The following SPEF2 variants were observed in gnomAD, a reference collection of about 807,000 sequenced individuals.
The protein encoded by SPEF2 is sperm flagella and cilia-associated protein 2.
In SPEF2, 187 loss-of-function variants were observed where a neutral mutation model predicts 224.6. That is an observed-to-expected ratio of 0.83 (90% CI 0.74 to 0.94). SPEF2 has a LOEUF of 0.94. SPEF2 is among the 40% of genes least tolerant of loss of function. SPEF2 has a pLI of 0.00. For missense variants in SPEF2, 2,170 were observed against 2,135.6 expected (o/e 1.02, Z -0.32); for synonymous variants, 715 against 707.3 (o/e 1.01, Z -0.17).
rs763243157 is a variant in SPEF2 at position 35,691,259 on chromosome 5, A to G, written c.1744+3A>G. The G allele has an allele frequency of 2.6e-5, 42 of 1,611,790 alleles. No individual in the cohort carries two copies. Among genetic ancestry groups the G allele is most frequent in the Non-Finnish European group, 2.6e-5 (31 of 1,178,304 alleles). The stretch of plus-strand genomic sequence containing the variant: ...CATTTTAAGGTCTCTACAAAAAGGT[A>G]GAATTTCTTCTCCTACTCTCCCTGC... On this transcript the variant is annotated splice_donor_region_variant and intron_variant, in intron 11 of 36. Coordinates refer to ENST00000356031, the MANE Select transcript of SPEF2 (RefSeq NM_024867.4).
At chr5:35,682,147 T>C (rs1384424725) in intron 10 of SPEF2, among the ~76,000 whole-genome samples, 1 of 152,082 alleles carries the variant, frequency 6.6e-6, no homozygotes, top group Non-Finnish European at 1.5e-5. Flanking sequence ...AAGCTAGCCA[T>C]AGATCAAGGC....
chr5:35,732,547 A>T (rs1266979486), intron 21 of SPEF2, among the ~76,000 whole-genome samples: 3 of 152,206 alleles, frequency 2.0e-5, no homozygotes, highest in African/African-American at 7.2e-5. Flanking sequence ...GTACGGTTAG[A>T]CATACGATCT....
chr5:35,730,769 C>T (rs1365343173), intron 21 of SPEF2, among the ~76,000 whole-genome samples: 1 of 152,092 alleles, frequency 6.6e-6, no homozygotes, highest in African/African-American at 2.4e-5. Context: ...AACATGTGCC[C>T]TAGTTATCAG....
chr5:35,733,622 C>G (rs1233625192), intron 21 of SPEF2, among the ~76,000 whole-genome samples: 1 of 152,106 alleles, frequency 6.6e-6, no homozygotes, highest in Non-Finnish European at 1.5e-5. Context: ...GGAGGCAGTT[C>G]ACAGGAAGGC....
chr5:35,634,659 G>T (rs540042401), intron 2 of SPEF2, among the ~76,000 whole-genome samples: 3 of 152,124 alleles, frequency 2.0e-5, no homozygotes, highest in African/African-American at 7.2e-5. Flanking sequence ...GTGATGTCCT[G>T]TAGGTCTCTG....
chr5:35,654,854 CTCA>C, intron 7 of SPEF2, 128 bp downstream of exon 7: 1 of 737,398 alleles, frequency 1.4e-6, no homozygotes, highest in Non-Finnish European at 2.0e-6. Context: ...CTTTCACATC[CTCA>C]TCATAATAGC....
chr5:35,808,602 G>A (rs1758339330), intron 36 of SPEF2, among the ~76,000 whole-genome samples: 1 of 151,884 alleles, frequency 6.6e-6, no homozygotes, highest in African/African-American at 2.4e-5. Context: ...TGGCTGCATA[G>A]TATTCCGTGG....
At position 35,727,666 on chromosome 5, in the gene SPEF2, A is replaced by C. The variant is rs1350108236; in HGVS notation, c.2915-9A>C. The C allele has an allele frequency of 6.2e-7, 1 of 1,610,238 alleles. No homozygotes were observed. Among genetic ancestry groups the C allele is most frequent in the South Asian group, 1.1e-5 (1 of 90,564 alleles). On this transcript the variant is annotated splice_polypyrimidine_tract_variant and intron_variant, in intron 20 of 36. Transcript: ENST00000356031. ...CTTGTATTGGAATAATTTGATATGC[A>C]TGTTTAAGGTTCTCCTAAAGGAAAA... is the stretch of plus-strand genomic sequence containing the variant.
At chr5:35,792,308 C>A (rs2149833023) in intron 30 of SPEF2, 32 bp from the exon 31 acceptor site, 1 of 1,558,772 alleles carries the variant, frequency 6.4e-7, no homozygotes, top group Non-Finnish European at 8.7e-7. Context: ...TCACCTAAAC[C>A]AAGTGACAAA....
chr5:35,647,388 T>G (rs780135669), intron 5 of SPEF2, among the ~76,000 whole-genome samples: 3 of 151,730 alleles, frequency 2.0e-5, no homozygotes, highest in Non-Finnish European at 4.4e-5. Context: ...CCAGCTCTCA[T>G]GGGAATTGAT....
chr5:35,670,025 A>G (rs750743647), intron 9 of SPEF2, 34 bp from the exon 10 acceptor site: 2 of 1,520,088 alleles, frequency 1.3e-6, no homozygotes, highest in South Asian at 2.5e-5. Context: ...TTGACTAACC[A>G]TTGATTCATC....
At chr5:35,692,504 C>T (rs1291458943) in intron 11 of SPEF2, 66 bp from the exon 12 acceptor site, 3 of 1,309,768 alleles carry the variant, frequency 2.3e-6, no homozygotes, top group South Asian at 2.8e-5. Flanking sequence ...AAAACCAGCA[C>T]ATAAAGACAA....
chr5:35,806,656 G>A (rs765924751), intron 34 of SPEF2, 51 bp from the exon 35 acceptor site: 10 of 1,571,616 alleles, frequency 6.4e-6, no homozygotes, highest in African/African-American at 1.4e-5. Flanking sequence ...AGTCTCCATT[G>A]GTGGAAAAAA....
intron 20 of SPEF2, among the ~76,000 whole-genome samples, chr5:35,723,901 C>T (rs1744194739): frequency 6.6e-6 from 1 of 152,182 alleles, no homozygotes; most frequent in Admixed American, 6.5e-5. Context: ...GTTGATGCCA[C>T]ACATACAAAA....
intron 12 of SPEF2, 143 bp from the exon 13 acceptor site, chr5:35,694,145 T>C (rs1754935197): frequency 1.6e-6 from 1 of 636,238 alleles, no homozygotes; most frequent in East Asian, 2.8e-5. Flanking sequence ...AACTGAAACT[T>C]TAATCTCCTT....
Position 35,709,097 on chromosome 5 carries a change from A to G in SPEF2, c.2815A>G (p.Thr939Ala), listed in dbSNP as rs536173730. The G allele has an allele frequency of 1.2e-6, 2 of 1,612,582 alleles. No homozygotes were observed. ...AAGCCATGTGGCTTCAAAAACTCCT[A>G]CTGCAAAAGGAAAACCTCAATCAGG... is the stretch of plus-strand genomic sequence containing the variant. ...HQSHVASKTP[T>A]AKGKPQSEAP... Residue 939 changes from threonine to alanine, a missense_variant, in exon 19 of 37, where the codon ACT becomes GCT. Coordinates refer to ENST00000356031, the MANE Select transcript of SPEF2 (RefSeq NM_024867.4).
chr5:35,764,188 C>T (rs1232712025), intron 26 of SPEF2, among the ~76,000 whole-genome samples: 1 of 152,082 alleles, frequency 6.6e-6, no homozygotes, highest in African/African-American at 2.4e-5. Context: ...AAAAAATATT[C>T]TGCAGAGTCA....
rs1386618523 is a variant in SPEF2 at position 35,771,694 on chromosome 5, G to T, written c.3887G>T (p.Gly1296Val). 1.2e-6 allele frequency: 2 copies of T among 1,605,954 alleles called. No homozygotes were observed. Among genetic ancestry groups the T allele is most frequent in the South Asian group, 1.1e-5 (1 of 88,718 alleles). ...CCCAAAGAAAAATCTCCTCAGATGGGTGCAAATAAAAAAGTCAAAAAGGAG... is the reference window on the plus strand; with the variant it reads ...CCCAAAGAAAAATCTCCTCAGATGGTTGCAAATAAAAAAGTCAAAAAGGAG... Reference protein sequence around the residue: ...ADPKEKSPQMGANKKVKKEPP... With the variant: ...ADPKEKSPQMVANKKVKKEPP... Residue 1296 changes from glycine (G) to valine (V), a missense_variant, in exon 27 of 37, where the codon GGT becomes GTT. By Grantham distance (109) the Gly-to-Val change is moderately radical. Transcript: ENST00000356031.
chr5:35,800,635 A>C (rs1007161769), intron 34 of SPEF2, among the ~76,000 whole-genome samples: 3 of 152,206 alleles, frequency 2.0e-5, no homozygotes, highest in Admixed American at 6.5e-5. Flanking sequence ...TATCTGATTA[A>C]AATGCCACCT....
Sources: allele counts gnomAD v4.1 joint callset (sites outside exome capture counted in the v4.1 genomes callset), GRCh38; gene constraint gnomAD v4.1.1; transcripts MANE v1.5; gene names NCBI Gene and HGNC (gene_info 2026-07-23, HGNC 2026-07-21).